Variants in RCCD1 observed in about 807,000 individuals in gnomAD.
RCCD1 encodes the protein RCC1 domain-containing protein 1.
In RCCD1, 40 loss-of-function variants were observed where a neutral mutation model predicts 37.6. The ratio of observed to expected loss-of-function variants is 1.06; its 90% CI spans 0.83 to 1.39. The LOEUF (loss-of-function observed/expected upper bound fraction) is 1.39, where lower values mean the gene tolerates loss of function less well. Ranked by LOEUF, RCCD1 falls within the 40% of genes most tolerant of loss-of-function variation. The pLI is 0.00. For synonymous variants in RCCD1, 263 were observed against 230.0 expected (o/e 1.14, Z -1.30); for missense variants, 577 against 517.3 (o/e 1.12, Z -1.12).
At chr15:90,958,966 C>A (rs992242277) in intron 4 of RCCD1, among the ~76,000 whole-genome samples, 62 of 148,600 alleles carry the variant, frequency 4.2e-4, no homozygotes, top group Non-Finnish European at 8.1e-4. Flanking sequence ...AAAAAAAAAA[C>A]CCCAACCTTG....
At chr15:90,960,804 G>A (rs541610814) in intron 6 of RCCD1, 7 of 653,244 alleles carry the variant, frequency 1.1e-5, no homozygotes, top group East Asian at 5.4e-5. Flanking sequence ...AGACTGCGGC[G>A]CTCGGTAGCA....
At chr15:90,961,574 A>G (rs1017082106) in intron 7 of RCCD1, 44 bp from the exon 8 acceptor site, 1 of 1,581,940 alleles carries the variant, frequency 6.3e-7, no homozygotes, top group Non-Finnish European at 8.6e-7. Context: ...AAGCAGCAGC[A>G]AGACCCAGTG....
At chr15:90,956,392 C>T (rs748215464) in intron 1 of RCCD1, among the ~76,000 whole-genome samples, 2 of 152,142 alleles carry the variant, frequency 1.3e-5, no homozygotes, top group Non-Finnish European at 2.9e-5. Context: ...GTGTCGGGGG[C>T]GCTCGGATCC....
chr15:90,956,746 G>C lies in RCCD1; in HGVS notation c.12G>C (p.Glu4Asp), dbSNP rs1204814044. 14 of 1,317,630 alleles carry C rather than the reference G, an allele frequency of 1.1e-5. No homozygotes were observed. The South Asian group carries it at 3.5e-4, about 33-fold the overall frequency. 81.6% of individuals were successfully genotyped at this position (1,317,630 alleles called of 1,614,324 possible). A position where few individuals can be genotyped will look rare whatever the true frequency, so the allele number is the denominator to read the frequency against. ...GGCGCTGCTCGGGCATGGCGGAGGA[G>C]CGGCCGGGGGCCTGGTTCGGCTTCG... MAE[E>D]RPGAWFGFGF... The change falls in exon 2 of 8, where the codon GAG becomes GAC. Residue 4 changes from glutamate to aspartate, a missense_variant. Transcript: ENST00000394258.
At chr15:90,959,646 T>G in intron 4 of RCCD1, 1 of 308,968 alleles carries the variant, frequency 3.2e-6, no homozygotes, top group Non-Finnish European at 5.9e-6. Context: ...ATTTCTGAAA[T>G]GAGGGGCTAT....
chr15:90,961,272 C>T lies in RCCD1; in HGVS notation c.979+218C>T, dbSNP rs1013875436. 21 of 599,402 alleles carry T rather than the reference C, an allele frequency of 3.5e-5. 1 individual carries two copies. Among genetic ancestry groups the T allele is most frequent in the Middle Eastern group, 4.4e-4 (1 of 2,266 alleles). The allele number at this position is 599,402 out of a possible 1,614,324, so 37.1% of individuals were successfully genotyped here. A position where few individuals can be genotyped will look rare whatever the true frequency, so the allele number is the denominator to read the frequency against. On this transcript the variant is annotated intron_variant, in intron 7 of 7. Coordinates refer to ENST00000394258, the MANE Select transcript of RCCD1 (RefSeq NM_001017919.2). ...ACATGGAGAGGATATCGGTACCACCCGCCTACCTCTCTGAAAGACTGTCTT... is the reference window on the plus strand; with the variant it reads ...ACATGGAGAGGATATCGGTACCACCTGCCTACCTCTCTGAAAGACTGTCTT...
At chr15:90,960,905 A>G (rs1407446143) in intron 6 of RCCD1, 120 bp from the exon 7 acceptor site, 3 of 943,180 alleles carry the variant, frequency 3.2e-6, no homozygotes, top group South Asian at 2.6e-5. Context: ...ATGTTGTTCC[A>G]TGCCAGGCAG....
intron 1 of RCCD1, 38 bp from the exon 2 acceptor site, chr15:90,956,573 CT>C: frequency 1.0e-5 from 7 of 671,166 alleles, no homozygotes; most frequent in Non-Finnish European, 1.5e-5. Flanking sequence ...CGGACTCTGC[CT>C]TTGTGGTCGG....
Position 90,956,667 on chromosome 15 carries a change from G to T in RCCD1, c.-68G>T, listed in dbSNP as rs1344218369. On this transcript the variant is annotated 5_prime_UTR_variant, in exon 2 of 8. Transcript: ENST00000394258. ...AGACTTGCCAGTGTCCCACTAGCGG[G>T]CTCTTCGCAAGAATCCCCCCGGGCC... 13 of 1,226,138 alleles carry T rather than the reference G, an allele frequency of 1.1e-5. No homozygotes were observed. The allele number at this position is 1,226,138 out of a possible 1,614,324, so 76.0% of individuals were successfully genotyped here.
In RCCD1 at chr15:90,960,409, T is replaced by C. The variant is rs867078334; in HGVS notation, c.860T>C (p.Val287Ala). The C allele has an allele frequency of 3.7e-6, 6 of 1,613,828 alleles. No homozygotes were observed. The highest frequency in any genetic ancestry group is 3.3e-4 in the Middle Eastern group (2 of 6,062). ...EDGAPAPFIA[V>A]QPFPALLDLP... ...GGAGCCCCTGCCCCCTTCATAGCTG[T>C]CCAGCCCTTCCCGGCATTACTGGAT... Residue 287 changes from valine (V) to alanine (A), a missense_variant, in exon 6 of 8, where the codon GTC becomes GCC. By Grantham distance (64) the Val-to-Ala change is moderately conservative (BLOSUM62 0). Coordinates refer to ENST00000394258, the MANE Select transcript of RCCD1 (RefSeq NM_001017919.2).
chr15:90,960,889 GAGAAT>G, intron 6 of RCCD1, 131 bp from the exon 7 acceptor site: 1 of 857,398 alleles, frequency 1.2e-6, no homozygotes, highest in Non-Finnish European at 2.0e-6. Context: ...CAGTTGTTAA[GAGAAT>G]ATGTTGTTCC....
At position 90,959,881 on chromosome 15, in the gene RCCD1, T is replaced by G. The variant is rs2037278267; in HGVS notation, c.680-19T>G. On this transcript the variant is annotated intron_variant, in intron 4 of 7. Coordinates refer to ENST00000394258, the MANE Select transcript of RCCD1 (RefSeq NM_001017919.2). ...GGGGCTTCACAGTCTGTTTCATGTG[T>G]CCCCTTGATCTCTTTCAGAGACTGG... The G allele has an allele frequency of 1.3e-6, 2 of 1,570,592 alleles. No homozygotes were observed. The highest frequency in any genetic ancestry group is 1.4e-5 in the African/African-American group (1 of 73,932).
intron 5 of RCCD1, 116 bp from the exon 6 acceptor site, chr15:90,960,212 C>T (rs2037285952): frequency 5.2e-6 from 6 of 1,150,344 alleles, no homozygotes; most frequent in Non-Finnish European, 7.4e-6. Flanking sequence ...TTGGGAGCAC[C>T]AGCTTTGGAG....
chr15:90,961,461 G>T, intron 7 of RCCD1, 157 bp from the exon 8 acceptor site: 1 of 801,818 alleles, frequency 1.2e-6, no homozygotes, highest in Non-Finnish European at 1.9e-6. Context: ...CTAGCCTCTT[G>T]GGGATCCCCA....
chr15:90,955,743 G>T (rs1350503975), intron 1 of RCCD1: 2 of 150,774 alleles, frequency 1.3e-5, no homozygotes, highest in Non-Finnish European at 2.9e-5. Context: ...GAATCTGCTT[G>T]AAGTTGGCGT....
At chr15:90,961,544 TG>T in intron 7 of RCCD1, 73 bp from the exon 8 acceptor site, 1 of 1,502,846 alleles carries the variant, frequency 6.7e-7, no homozygotes, top group Non-Finnish European at 9.1e-7. Context: ...TTTGATAGTC[TG>T]GGCCCCTTCC....
rs576616360 is a variant in RCCD1 at position 90,957,601 on chromosome 15, C to G, written c.558-3C>G. 6.2e-7 allele frequency: 1 copy of G among 1,614,052 alleles called. No individual in the cohort carries two copies. The highest frequency in any genetic ancestry group is 8.5e-7 in the Non-Finnish European group (1 of 1,180,004). ...GTAGCTGACGACGGTCTCCCTTGCT[C>G]AGGCATGGACAGCTGGGCCATGGGA... On this transcript the variant is annotated splice_region_variant and splice_polypyrimidine_tract_variant and intron_variant, in intron 3 of 7. Coordinates refer to ENST00000394258, the MANE Select transcript of RCCD1 (RefSeq NM_001017919.2).
chr15:90,960,832 C>T (rs969079466), intron 6 of RCCD1, 193 bp from the exon 7 acceptor site: 40 of 681,718 alleles, frequency 5.9e-5, no homozygotes, highest in Admixed American at 3.4e-4. Context: ...CAGGAAGATC[C>T]GCCACTTTTT....
At position 90,961,822 on chromosome 15, in the gene RCCD1, G is replaced by A. The variant is rs2037321741; in HGVS notation, c.*53G>A. 1 of 1,567,006 alleles carries A rather than the reference G, an allele frequency of 6.4e-7. No individual in the cohort carries two copies. The highest frequency in any genetic ancestry group is 8.7e-7 in the Non-Finnish European group (1 of 1,151,822). On this transcript the variant is annotated 3_prime_UTR_variant, in exon 8 of 8. Coordinates refer to ENST00000394258, the MANE Select transcript of RCCD1 (RefSeq NM_001017919.2). ...CCTGTGAGACCCCCATTCAGGTCAA[G>A]GAAAACCATTGCCTGCACCCCAAGG...
Sources: gnomAD v4.1 joint callset for allele counts (sites outside exome capture counted in the v4.1 genomes callset) on GRCh38, gnomAD v4.1.1 for gene constraint, MANE v1.5 for transcripts, NCBI Gene and HGNC (gene_info 2026-07-23, HGNC 2026-07-21) for gene names.